Variants in SNX29 observed in about 807,000 individuals in gnomAD.
SNX29 encodes sorting nexin 29.
SNX29 carries 78 observed loss-of-function variants against 102.1 expected under a neutral mutation model. That is an observed-to-expected ratio of 0.76 (90% CI 0.64 to 0.92). The LOEUF is 0.92. Ranked by LOEUF, SNX29 falls within the 40% of genes least tolerant of loss-of-function variation. The probability of loss-of-function intolerance (pLI) is 0.00; values close to 1 mark genes in which losing one functional copy is unlikely to be tolerated. For missense variants in SNX29, 1,280 were observed against 1,061.7 expected (o/e 1.21, Z -2.86); for synonymous variants, 580 against 414.5 (o/e 1.40, Z -4.85).
At chr16:12,263,773 T>TA (rs1454898155) in intron 14 of SNX29, among the ~76,000 whole-genome samples, 1 of 152,218 alleles carries the variant, frequency 6.6e-6, no homozygotes, top group Non-Finnish European at 1.5e-5. Context: ...TATATATATA[T>TA]TTTTTGCTAA....
intron 18 of SNX29, among the ~76,000 whole-genome samples, chr16:12,416,293 C>G (rs1332624750): frequency 6.6e-6 from 1 of 152,136 alleles, no homozygotes; most frequent in Non-Finnish European, 1.5e-5. Flanking sequence ...GGGCACCGCC[C>G]AGTCACTCAT....
chr16:12,552,395 CAG>C (rs1363929099), intron 20 of SNX29, among the ~76,000 whole-genome samples: 1 of 152,204 alleles, frequency 6.6e-6, no homozygotes, highest in Non-Finnish European at 1.5e-5. Flanking sequence ...GTACCTGGCG[CAG>C]AGCAGTGGTG....
intron 13 of SNX29, among the ~76,000 whole-genome samples, chr16:12,146,936 G>A (rs1465879122): frequency 1.3e-5 from 2 of 152,124 alleles, no homozygotes; most frequent in African/African-American, 4.8e-5. Context: ...ATATAAAATG[G>A]TAGAGACAGC....
intron 11 of SNX29, chr16:12,087,736 G>C: frequency 2.4e-6 from 1 of 409,868 alleles, no homozygotes; most frequent in South Asian, 1.8e-5. Flanking sequence ...AGATGAGAAA[G>C]TCACTGAGGC....
intron 14 of SNX29, among the ~76,000 whole-genome samples, chr16:12,202,843 C>G (rs2076946444): frequency 6.6e-6 from 1 of 152,250 alleles, no homozygotes; most frequent in Non-Finnish European, 1.5e-5. Context: ...ACTGAGGGGT[C>G]TGGGGAGAGC....
intron 15 of SNX29, among the ~76,000 whole-genome samples, chr16:12,292,106 A>G (rs2079816945): frequency 6.6e-6 from 1 of 152,166 alleles, no homozygotes; most frequent in Non-Finnish European, 1.5e-5. Context: ...AGAAATGTTC[A>G]TTTCGAAGCT....
intron 14 of SNX29, among the ~76,000 whole-genome samples, chr16:12,217,811 T>C (rs1217993554): frequency 6.6e-6 from 1 of 152,240 alleles, no homozygotes; most frequent in African/African-American, 2.4e-5. Flanking sequence ...GCTCATGTCA[T>C]TTGGGGATGG....
intron 15 of SNX29, among the ~76,000 whole-genome samples, chr16:12,339,892 C>T (rs918181931): frequency 2.0e-5 from 3 of 152,276 alleles, no homozygotes; most frequent in African/African-American, 4.8e-5. Flanking sequence ...GGCCAACAGT[C>T]AGTGGGGGCG....
At chr16:12,345,176 G>A (rs1264617775) in intron 15 of SNX29, among the ~76,000 whole-genome samples, 1 of 152,204 alleles carries the variant, frequency 6.6e-6, no homozygotes, top group Non-Finnish European at 1.5e-5. Context: ...CTGCGCTAGA[G>A]CTGTGAACTG....
At chr16:12,559,723 AGAAATAGAT>A (rs997501991) in intron 20 of SNX29, among the ~76,000 whole-genome samples, 4 of 152,160 alleles carry the variant, frequency 2.6e-5, no homozygotes, top group Admixed American at 2.0e-4. Flanking sequence ...GAGAACACCA[AGAAATAGAT>A]GAAATAGTGA....
chr16:12,172,546 T>G (rs1433422521), intron 13 of SNX29, among the ~76,000 whole-genome samples: 1 of 152,190 alleles, frequency 6.6e-6, no homozygotes, highest in Non-Finnish European at 1.5e-5. Flanking sequence ...TCTCTGGATC[T>G]CAGTGTTCTC....
chr16:12,027,830 G>T (rs557951465), intron 4 of SNX29: 1 of 166,078 alleles, frequency 6.0e-6, no homozygotes, highest in Non-Finnish European at 1.3e-5. Context: ...AGAAACCCCA[G>T]AGGTTCTGTT....
chr16:12,551,938 T>G (rs1221627037), intron 20 of SNX29, among the ~76,000 whole-genome samples: 1 of 152,158 alleles, frequency 6.6e-6, no homozygotes, highest in Non-Finnish European at 1.5e-5. Flanking sequence ...ACTGTGAGGA[T>G]CCAGTGAGAT....
At chr16:12,235,137 G>A (rs2077887553) in intron 14 of SNX29, among the ~76,000 whole-genome samples, 1 of 151,634 alleles carries the variant, frequency 6.6e-6, no homozygotes, top group Admixed American at 6.6e-5. Flanking sequence ...CTAAGCTGTT[G>A]ACCTTATCAG....
intron 20 of SNX29, among the ~76,000 whole-genome samples, chr16:12,553,842 TA>T (rs143736483): frequency 0.015 from 2,328 of 152,156 alleles, 55 homozygotes; most frequent in African/African-American, 0.053. Flanking sequence ...CACCTAGGTC[TA>T]CCGAAAGTGC....
Position 12,552,065 on chromosome 16 carries a change from TC to T in SNX29, c.2319-16440del, listed in dbSNP as rs1405926817. 3.8e-4 allele frequency among the ~76,000 whole-genome samples: 50 copies of T among 130,426 alleles called. No homozygotes were observed. In the South Asian group the frequency reaches 4.0e-3, roughly 10 times the overall value. 85.6% of individuals were successfully genotyped at this position (130,426 alleles called of 152,430 possible). ...TGGGAAGGATTTTTGGGGCACTGAA[TC>T]TCTGTCTCAATCACTCAACTGTGCT... On this transcript the variant is annotated intron_variant, in intron 20 of 20. Coordinates refer to ENST00000566228, the MANE Select transcript of SNX29 (RefSeq NM_032167.5).
intron 10 of SNX29, among the ~76,000 whole-genome samples, chr16:12,075,200 C>T (rs1008170285): frequency 1.3e-5 from 2 of 152,210 alleles, no homozygotes; most frequent in Admixed American, 6.5e-5. Flanking sequence ...TGTTCCGTTG[C>T]TGGTGAGGAA....
chr16:12,520,511 A>G (rs1359208007), intron 19 of SNX29, among the ~76,000 whole-genome samples: 1 of 152,200 alleles, frequency 6.6e-6, no homozygotes, highest in Non-Finnish European at 1.5e-5. Context: ...TGCTGTAGGG[A>G]CACAGGGCAG....
chr16:12,571,724 A>T lies in SNX29; in HGVS notation c.*3095A>T. ...AAAGCTTCTAAGGGAGGGAGCTTAA[A>T]GGCTGCTAGAAACCTAGCCCAACCA... On this transcript the variant is annotated 3_prime_UTR_variant, in exon 21 of 21. Coordinates refer to ENST00000566228, the MANE Select transcript of SNX29 (RefSeq NM_032167.5). 1 of 1,049,380 alleles carries T rather than the reference A, an allele frequency of 9.5e-7. No individual in the cohort carries two copies. The highest frequency in any genetic ancestry group is 1.2e-6 in the Non-Finnish European group (1 of 865,964). The allele number at this position is 1,049,380 out of a possible 1,614,324, so 65.0% of individuals were successfully genotyped here.
Sources: allele counts gnomAD v4.1 joint callset (sites outside exome capture counted in the v4.1 genomes callset), GRCh38; gene constraint gnomAD v4.1.1; transcripts MANE v1.5; gene names NCBI Gene and HGNC (gene_info 2026-07-23, HGNC 2026-07-21).